The following GALNT13 variants were observed in gnomAD, a reference collection of about 807,000 sequenced individuals.
GALNT13 encodes polypeptide N-acetylgalactosaminyltransferase 13, also known as UDP-GalNAc:polypeptide N-acetylgalactosaminyltransferase 13.
GALNT13 carries 28 observed loss-of-function variants against 64.2 expected under a neutral mutation model. That is an observed-to-expected ratio of 0.44 (90% CI 0.32 to 0.60). The LOEUF is 0.60. GALNT13 is among the 20% of genes least tolerant of loss of function. The probability of loss-of-function intolerance (pLI) is 0.05; values close to 1 mark genes in which losing one functional copy is unlikely to be tolerated. For missense variants in GALNT13, 577 were observed against 669.8 expected (o/e 0.86, Z 1.53); for synonymous variants, 214 against 224.6 (o/e 0.95, Z 0.42).
the GALNT13 span, among the ~76,000 whole-genome samples, chr2:153,164,892 A>G: frequency 5.1e-4 from 78 of 152,226 alleles, no homozygotes; most frequent in Middle Eastern, 3.4e-3. Context: ...GACTGCCCCA[A>G]TTTCTACTCT....
At chr2:153,354,873 G>A in the GALNT13 span, among the ~76,000 whole-genome samples, 85 of 152,236 alleles carry the variant, frequency 5.6e-4, no homozygotes, top group African/African-American at 1.8e-3. Context: ...TTATCCTAAC[G>A]CATTGATGCA....
At chr2:153,655,406 AC>A in the GALNT13 span, among the ~76,000 whole-genome samples, 1 of 152,094 alleles carries the variant, frequency 6.6e-6, no homozygotes, top group Admixed American at 6.6e-5. Flanking sequence ...ATCCCTGACA[AC>A]CACTTTTGAT....
chr2:153,088,361 G>T, the GALNT13 span, among the ~76,000 whole-genome samples: 1 of 152,058 alleles, frequency 6.6e-6, no homozygotes, highest in Non-Finnish European at 1.5e-5. Context: ...TAAGTTTATT[G>T]AGGCTTTTTT....
chr2:153,399,235 G>T, the GALNT13 span, among the ~76,000 whole-genome samples: 1 of 150,954 alleles, frequency 6.6e-6, no homozygotes, highest in African/African-American at 2.4e-5. Context: ...GATAGTTGTA[G>T]ATATGCGGCG....
the GALNT13 span, among the ~76,000 whole-genome samples, chr2:153,792,142 C>T: frequency 1.3e-5 from 2 of 152,106 alleles, no homozygotes; most frequent in South Asian, 2.1e-4. Context: ...AACTTTTGGC[C>T]TTTATCTTTT....
chr2:153,767,156 A>G, the GALNT13 span, among the ~76,000 whole-genome samples: 6 of 152,086 alleles, frequency 3.9e-5, no homozygotes, highest in African/African-American at 1.4e-4. Flanking sequence ...CTATCTATCC[A>G]TGTATACCCA....
At chr2:153,763,874 G>A in the GALNT13 span, among the ~76,000 whole-genome samples, 1 of 120,894 alleles carries the variant, frequency 8.3e-6, no homozygotes, top group African/African-American at 3.9e-5. Context: ...GAAGATGTGG[G>A]AAAGTTTGGA....
At chr2:153,080,585 T>C in the GALNT13 span, among the ~76,000 whole-genome samples, 2 of 152,126 alleles carry the variant, frequency 1.3e-5, no homozygotes, top group African/African-American at 4.8e-5. Context: ...TGTTTACCCT[T>C]GAAAAAAGAT....
chr2:153,146,290 T>G, the GALNT13 span, among the ~76,000 whole-genome samples: 2 of 151,786 alleles, frequency 1.3e-5, no homozygotes, highest in Non-Finnish European at 2.9e-5. Flanking sequence ...GCATTATTCT[T>G]GGGTTCTCTG....
chr2:153,075,279 G>A, the GALNT13 span, among the ~76,000 whole-genome samples: 2 of 152,168 alleles, frequency 1.3e-5, no homozygotes. Context: ...GTTGGTCACT[G>A]TGTGTAGGCT....
chr2:154,203,495 A>C (rs1170529997), intron 4 of GALNT13, among the ~76,000 whole-genome samples: 1 of 152,098 alleles, frequency 6.6e-6, no homozygotes, highest in African/African-American at 2.4e-5. Context: ...ATAGATTTTT[A>C]ATGACAATTT....
At chr2:153,755,346 C>T in the GALNT13 span, among the ~76,000 whole-genome samples, 1 of 152,026 alleles carries the variant, frequency 6.6e-6, no homozygotes, top group Non-Finnish European at 1.5e-5. Flanking sequence ...TCCATAATGG[C>T]TGTACTAATT....
chr2:153,142,991 G>A, the GALNT13 span, among the ~76,000 whole-genome samples: 1 of 151,932 alleles, frequency 6.6e-6, no homozygotes, highest in African/African-American at 2.4e-5. Flanking sequence ...TGGTGAAAAG[G>A]AGAAGAGATA....
At chr2:153,752,853 T>C in the GALNT13 span, among the ~76,000 whole-genome samples, 303 of 152,284 alleles carry the variant, frequency 2.0e-3, 3 homozygotes, top group Middle Eastern at 6.8e-3. Context: ...TCTCTTTCTC[T>C]GTCTCCTCTT....
chr2:154,161,842 G>C (rs921067100), intron 4 of GALNT13, among the ~76,000 whole-genome samples: 3 of 151,518 alleles, frequency 2.0e-5, no homozygotes, highest in African/African-American at 7.3e-5. Context: ...GTACAGTGGA[G>C]CGATCTCAGC....
the GALNT13 span, among the ~76,000 whole-genome samples, chr2:153,533,723 C>CTTTTTTTTT: frequency 0.06 from 2,883 of 48,302 alleles, 702 homozygotes; most frequent in Non-Finnish European, 0.085. Flanking sequence ...TGAGGTTTTT[C>CTTTTTTTTT]TTTTTTTTTT....
the GALNT13 span, among the ~76,000 whole-genome samples, chr2:153,667,144 G>A: frequency 6.6e-6 from 1 of 151,964 alleles, no homozygotes; most frequent in Non-Finnish European, 1.5e-5. Context: ...TTATGTAAAG[G>A]CCAAACCTAC....
chr2:154,328,181 G>A (rs1694977778), intron 9 of GALNT13, among the ~76,000 whole-genome samples: 1 of 152,056 alleles, frequency 6.6e-6, no homozygotes. Flanking sequence ...ATTGTATCAT[G>A]TTGATCATCC....
the GALNT13 span, among the ~76,000 whole-genome samples, chr2:153,078,334 T>C: frequency 1.5e-4 from 23 of 151,098 alleles, no homozygotes; most frequent in African/African-American, 5.3e-4. Flanking sequence ...TTTTTTTTTT[T>C]CTAAGATGGA....
Sources: gnomAD v4.1 joint callset for allele counts (sites outside exome capture counted in the v4.1 genomes callset) on GRCh38, gnomAD v4.1.1 for gene constraint, MANE v1.5 for transcripts, NCBI Gene and HGNC (gene_info 2026-07-23, HGNC 2026-07-21) for gene names.